The following KIF6 variants were observed in gnomAD, a reference collection of about 807,000 sequenced individuals.
KIF6 encodes kinesin family member 6, also known as kinesin-like protein KIF6.
KIF6 carries 106 observed loss-of-function variants against 112.7 expected under a neutral mutation model. That is an observed-to-expected ratio of 0.94 (90% confidence interval 0.80 to 1.11). KIF6 has a LOEUF of 1.11. Among genes scored for constraint, KIF6 ranks in the 50% least tolerant of loss-of-function variants. The pLI, the probability that KIF6 is intolerant of heterozygous loss-of-function variation, is 0.00. For missense variants in KIF6, 929 were observed against 964.0 expected (o/e 0.96, Z 0.48); for synonymous variants, 339 against 339.9 (o/e 1.00, Z 0.03).
At chr6:39,400,825 T>C (rs79640718) in intron 15 of KIF6, among the ~76,000 whole-genome samples, 6,354 of 152,324 alleles carry the variant, frequency 0.042, 196 homozygotes, top group Non-Finnish European at 0.05. Context: ...CATGCAGTTT[T>C]TGGTGAGAAG....
intron 13 of KIF6, among the ~76,000 whole-genome samples, chr6:39,487,484 G>C (rs1257194686): frequency 6.6e-6 from 1 of 152,222 alleles, no homozygotes; most frequent in Non-Finnish European, 1.5e-5. Context: ...TTGCTGTGGA[G>C]AGGACTGAGG....
In KIF6 at chr6:39,694,124, G is replaced by GT. The variant is rs201416077; in HGVS notation, c.251+20567dup. Among the ~76,000 whole-genome samples, 10 of 66,422 alleles carry GT rather than the reference G, an allele frequency of 1.5e-4. No homozygotes were observed. In the East Asian group the frequency reaches 0.019, roughly 125 times the overall value. 43.6% of individuals were successfully genotyped at this position (66,422 alleles called of 152,430 possible). ...CAATAAAATCCAACATCCCTTCATG[G>GT]TAAAAAAAAAAACCCTCAACAAATG... On this transcript the variant is annotated intron_variant, in intron 3 of 22. Transcript: ENST00000287152.
At chr6:39,681,447 G>T (rs1787503939) in intron 3 of KIF6, among the ~76,000 whole-genome samples, 1 of 151,960 alleles carries the variant, frequency 6.6e-6, no homozygotes, top group Admixed American at 6.6e-5. Flanking sequence ...ACAAAAAGTA[G>T]GAGAGAATAC....
In KIF6 at chr6:39,360,425, G is replaced by T; in HGVS notation, c.2052C>A (p.Val684=). 6.2e-7 allele frequency: 1 copy of T among 1,614,204 alleles called. No homozygotes were observed. ...AKVKLQKEFE[V]WWAEEATNLQ... ...GGTTGGTGGCCTCCTCTGCCCACCA[G>T]ACTTCAAACTCTTTCTGTAGCTTCA... The change falls in exon 18 of 23, where the codon GTC becomes GTA. Residue 684 remains valine, a synonymous_variant. Transcript: ENST00000287152.
intron 9 of KIF6, among the ~76,000 whole-genome samples, chr6:39,579,657 T>C (rs932412387): frequency 6.6e-6 from 1 of 152,088 alleles, no homozygotes; most frequent in Non-Finnish European, 1.5e-5. Context: ...TCCCAAATCA[T>C]AGGAATATAT....
intron 5 of KIF6, among the ~76,000 whole-genome samples, chr6:39,618,044 A>T (rs1306722085): frequency 1.3e-5 from 2 of 152,206 alleles, no homozygotes; most frequent in Non-Finnish European, 2.9e-5. Context: ...TCCTTTCTGC[A>T]TTTAAACAAT....
intron 5 of KIF6, among the ~76,000 whole-genome samples, chr6:39,626,867 T>C (rs1784121523): frequency 6.6e-6 from 1 of 152,114 alleles, no homozygotes; most frequent in Non-Finnish European, 1.5e-5. Flanking sequence ...TTCAAGCCAC[T>C]GGATTATGAA....
At chr6:39,484,316 C>A (rs914703401) in intron 13 of KIF6, among the ~76,000 whole-genome samples, 13 of 152,100 alleles carry the variant, frequency 8.5e-5, no homozygotes, top group Non-Finnish European at 1.8e-4. Flanking sequence ...AGAGAGGAGG[C>A]TAATAATGAT....
At chr6:39,665,701 C>T (rs1005448228) in intron 3 of KIF6, among the ~76,000 whole-genome samples, 14 of 152,032 alleles carry the variant, frequency 9.2e-5, no homozygotes, top group African/African-American at 2.4e-4. Context: ...AGTCTTACAT[C>T]GCAGTGAAGA....
intron 13 of KIF6, among the ~76,000 whole-genome samples, chr6:39,526,008 C>A (rs1219727195): frequency 2.0e-5 from 3 of 152,054 alleles, no homozygotes; most frequent in Admixed American, 6.6e-5. Context: ...AACAAACAAG[C>A]AAATAACACA....
chr6:39,714,648 A>G, intron 3 of KIF6, 44 bp downstream of exon 3: 1 of 1,362,420 alleles, frequency 7.3e-7, no homozygotes, highest in Non-Finnish European at 1.0e-6. Context: ...TGAAGGCAAC[A>G]TGAAAAACCA....
chr6:39,656,091 T>C (rs1785764376), intron 3 of KIF6, among the ~76,000 whole-genome samples: 2 of 152,174 alleles, frequency 1.3e-5, no homozygotes, highest in South Asian at 2.1e-4. Flanking sequence ...TGTTGACCCA[T>C]TCATGTTTTT....
chr6:39,371,418 G>A (rs1765980790), intron 16 of KIF6, among the ~76,000 whole-genome samples: 3 of 152,172 alleles, frequency 2.0e-5, no homozygotes, highest in Admixed American at 2.0e-4. Flanking sequence ...TAACTGGAGG[G>A]TAGGAGGAGA....
intron 3 of KIF6, among the ~76,000 whole-genome samples, chr6:39,701,861 C>T (rs181844493): frequency 8.5e-5 from 13 of 152,324 alleles, no homozygotes; most frequent in Admixed American, 2.6e-4. Flanking sequence ...TTCATTTACA[C>T]AACTATTATT....
intron 13 of KIF6, among the ~76,000 whole-genome samples, chr6:39,507,011 C>A (rs1222441871): frequency 6.6e-6 from 1 of 152,156 alleles, no homozygotes; most frequent in Non-Finnish European, 1.5e-5. Flanking sequence ...TTATAATAAA[C>A]CATTAAATGT....
chr6:39,402,182 T>G (rs1231227537), intron 15 of KIF6, among the ~76,000 whole-genome samples: 3 of 152,092 alleles, frequency 2.0e-5, no homozygotes, highest in Non-Finnish European at 4.4e-5. Context: ...CAGAAGCTCT[T>G]CAATTCAGCT....
At chr6:39,593,268 G>A (rs1210905818) in intron 7 of KIF6, among the ~76,000 whole-genome samples, 5 of 152,052 alleles carry the variant, frequency 3.3e-5, no homozygotes, top group Non-Finnish European at 7.4e-5. Context: ...CCATAATAAA[G>A]TACTACATAA....
chr6:39,689,936 T>C (rs1788091491), intron 3 of KIF6: 1 of 152,202 alleles, frequency 6.6e-6, no homozygotes, highest in South Asian at 2.1e-4. Flanking sequence ...ATAATGTACA[T>C]TTCAGTATAT....
At chr6:39,704,322 TA>T (rs1789055599) in intron 3 of KIF6, among the ~76,000 whole-genome samples, 2 of 152,182 alleles carry the variant, frequency 1.3e-5, no homozygotes, top group African/African-American at 4.8e-5. Flanking sequence ...CACTTAAAGA[TA>T]AAAAGCTGGT....
Sources: allele counts gnomAD v4.1 joint callset (sites outside exome capture counted in the v4.1 genomes callset), GRCh38; gene constraint gnomAD v4.1.1; transcripts MANE v1.5; gene names NCBI Gene and HGNC (gene_info 2026-07-23, HGNC 2026-07-21).